Variants in TMEM229B observed in about 807,000 individuals in gnomAD.
TMEM229B encodes transmembrane protein 229B, also known as chromosome 14 open reading frame 83.
TMEM229B carries 6 observed loss-of-function variants against 13.7 expected under a neutral mutation model. The ratio of observed to expected loss-of-function variants is 0.44; its 90% CI spans 0.24 to 0.86. The LOEUF is 0.86. TMEM229B is among the 40% of genes least tolerant of loss of function. TMEM229B has a pLI of 0.23. For synonymous variants in TMEM229B, 107 were observed against 102.1 expected, an observed-to-expected ratio of 1.05 and a Z score of -0.29; for missense variants, 170 against 236.0, an observed-to-expected ratio of 0.72 and a Z score of 1.83.
chr14:67,522,520 C>G (rs145596870), intron 1 of TMEM229B, among the ~76,000 whole-genome samples: 2 of 152,164 alleles, frequency 1.3e-5, no homozygotes, highest in Non-Finnish European at 2.9e-5. Context: ...TGGGGGGACA[C>G]TGTGTGCCTG....
At chr14:67,509,170 C>T (rs2032942459) in intron 1 of TMEM229B, among the ~76,000 whole-genome samples, 1 of 152,080 alleles carries the variant, frequency 6.6e-6, no homozygotes, top group Admixed American at 6.6e-5. Flanking sequence ...AAGCGTGTTC[C>T]CTTTACAGTA....
upstream of TMEM229B, among the ~76,000 whole-genome samples, chr14:67,492,112 T>C (rs75803744): frequency 2.7e-3 from 418 of 152,132 alleles, 4 homozygotes; most frequent in East Asian, 0.025. Context: ...GCCCACTCTA[T>C]CTCACATGCC....
At chr14:67,516,394 GGAGA>G, upstream of TMEM229B, among the ~76,000 whole-genome samples, 1 of 123,432 alleles carries the variant, frequency 8.1e-6, no homozygotes, top group African/African-American at 2.6e-5. Context: ...CAACCTAGCT[GGAGA>G]GGGGGGGAAA....
chr14:67,526,349 C>T (rs1021068500), intron 1 of TMEM229B, among the ~76,000 whole-genome samples: 15 of 152,198 alleles, frequency 9.9e-5, no homozygotes, highest in Non-Finnish European at 2.1e-4. Context: ...GTCCCCTGCC[C>T]GTGTAACATG....
At chr14:67,492,313 A>C (rs2032201855), upstream of TMEM229B, among the ~76,000 whole-genome samples, 1 of 152,184 alleles carries the variant, frequency 6.6e-6, no homozygotes, top group Non-Finnish European at 1.5e-5. Flanking sequence ...AGAGTGAGGC[A>C]TGTGTTACTG....
intron 2 of TMEM229B, among the ~76,000 whole-genome samples, chr14:67,483,480 G>A (rs2031705946): frequency 6.6e-6 from 1 of 152,176 alleles, no homozygotes; most frequent in Non-Finnish European, 1.5e-5. Flanking sequence ...AGGCTGGGAT[G>A]GTATGTGGAG....
chr14:67,524,238 C>T (rs1266759787), intron 1 of TMEM229B, among the ~76,000 whole-genome samples: 3 of 152,134 alleles, frequency 2.0e-5, no homozygotes, highest in African/African-American at 7.2e-5. Flanking sequence ...CAGATGCATG[C>T]CACCAAACCT....
intron 1 of TMEM229B, among the ~76,000 whole-genome samples, chr14:67,530,451 T>C (rs1479527932): frequency 6.6e-6 from 1 of 152,224 alleles, no homozygotes; most frequent in Admixed American, 6.5e-5. Flanking sequence ...ACTAAGATGC[T>C]GTAATATTGA....
intron 2 of TMEM229B, among the ~76,000 whole-genome samples, chr14:67,479,483 C>T (rs1385989230): frequency 1.4e-5 from 2 of 146,322 alleles, no homozygotes; most frequent in African/African-American, 5.1e-5. Flanking sequence ...TTTGGGAGGC[C>T]GAGGTGGGTA....
chr14:67,480,755 G>A (rs952038468), intron 2 of TMEM229B, among the ~76,000 whole-genome samples: 14 of 152,172 alleles, frequency 9.2e-5, no homozygotes, highest in African/African-American at 3.4e-4. Context: ...TGACTGTGTG[G>A]ATCTCATTAC....
At chr14:67,474,350 G>C (rs1179510139) in intron 2 of TMEM229B, among the ~76,000 whole-genome samples, 8 of 152,078 alleles carry the variant, frequency 5.3e-5, no homozygotes. Flanking sequence ...CTTAGAGGGA[G>C]GTGTCTGTAC....
intron 1 of TMEM229B, among the ~76,000 whole-genome samples, chr14:67,513,399 A>G (rs909704225): frequency 6.6e-6 from 1 of 152,194 alleles, no homozygotes; most frequent in African/African-American, 2.4e-5. Flanking sequence ...GCAGGGCCAC[A>G]AATCTATAGC....
intron 2 of TMEM229B, among the ~76,000 whole-genome samples, chr14:67,482,375 G>A (rs533363094): frequency 1.3e-5 from 2 of 152,316 alleles, no homozygotes; most frequent in East Asian, 3.9e-4. Flanking sequence ...TCTTGTTTCA[G>A]GGGGCTAAGG....
upstream of TMEM229B, among the ~76,000 whole-genome samples, chr14:67,491,559 TAGG>T (rs2140147703): frequency 6.6e-6 from 1 of 152,294 alleles, no homozygotes; most frequent in East Asian, 1.9e-4. Context: ...TCAAGGGTTT[TAGG>T]AGCTCTATGA....
intron 1 of TMEM229B, among the ~76,000 whole-genome samples, chr14:67,498,144 C>T (rs1243846695): frequency 3.3e-5 from 5 of 152,268 alleles, no homozygotes; most frequent in African/African-American, 9.6e-5. Flanking sequence ...ACCACCTGAA[C>T]GCCTTTACAG....
intron 2 of TMEM229B, among the ~76,000 whole-genome samples, chr14:67,478,726 C>A (rs865920459): frequency 4.6e-5 from 7 of 152,128 alleles, no homozygotes; most frequent in African/African-American, 1.4e-4. Flanking sequence ...GGCCGGTGAA[C>A]CCTCCTTTAA....
upstream of TMEM229B, among the ~76,000 whole-genome samples, chr14:67,518,332 C>T (rs1215299796): frequency 1.3e-5 from 2 of 152,232 alleles, no homozygotes; most frequent in African/African-American, 4.8e-5. Flanking sequence ...TAACTTTTCT[C>T]AGCCTATTTT....
At chr14:67,481,344 G>T (rs2031575549) in intron 2 of TMEM229B, among the ~76,000 whole-genome samples, 3 of 152,176 alleles carry the variant, frequency 2.0e-5, no homozygotes, top group Non-Finnish European at 4.4e-5. Flanking sequence ...AATATGGTGT[G>T]CCCCAAGCCC....
intron 1 of TMEM229B, chr14:67,533,315 A>AGCGACGCAAGGTCGCT (rs1184423054): frequency 6.6e-6 from 1 of 151,610 alleles, no homozygotes; most frequent in Non-Finnish European, 1.5e-5. Flanking sequence ...CTCCGGCGAG[A>AGCGACGCAAGGTCGCT]GCGACGCAAG....
Sources: allele counts gnomAD v4.1 joint callset (sites outside exome capture counted in the v4.1 genomes callset), GRCh38; gene constraint gnomAD v4.1.1; transcripts MANE v1.5; gene names NCBI Gene and HGNC (gene_info 2026-07-23, HGNC 2026-07-21).